Variants in RAB38 observed in about 807,000 individuals in gnomAD.
RAB38 encodes RAB38, member RAS oncogene family, also known as ras-related protein Rab-38.
A neutral mutation model predicts 18.4 loss-of-function variants in RAB38; 15 were observed. That is an observed-to-expected ratio of 0.82 (90% CI 0.55 to 1.26). RAB38 has a LOEUF of 1.26. RAB38 is among the 50% of genes most tolerant of loss of function. RAB38 has a pLI of 0.00. For synonymous variants in RAB38, 101 were observed against 104.4 expected, an observed-to-expected ratio of 0.97 and a Z score of 0.20; for missense variants, 294 against 267.4, an observed-to-expected ratio of 1.10 and a Z score of -0.69.
chr11:87,876,701 A>T, the RAB38 span, among the ~76,000 whole-genome samples: 1 of 151,436 alleles, frequency 6.6e-6, no homozygotes, highest in Non-Finnish European at 1.5e-5. Flanking sequence ...ATTTTTTCTT[A>T]GAAGTCACTC....
chr11:87,892,140 C>G, the RAB38 span, among the ~76,000 whole-genome samples: 1 of 151,812 alleles, frequency 6.6e-6, no homozygotes. Flanking sequence ...TGCAGTCTGA[C>G]AGCCCTATTA....
chr11:88,099,871 A>G, the RAB38 span: 1 of 151,802 alleles, frequency 6.6e-6, no homozygotes, highest in African/African-American at 2.4e-5. Context: ...TAATATAATA[A>G]TATTTTCACA....
the RAB38 span, among the ~76,000 whole-genome samples, chr11:87,891,883 T>A: frequency 1.7e-4 from 26 of 151,956 alleles, 1 homozygote; most frequent in East Asian, 2.9e-3. Flanking sequence ...ATTTAGTTTC[T>A]CTTTTGTTTT....
chr11:88,011,778 G>C, the RAB38 span, among the ~76,000 whole-genome samples: 1 of 152,104 alleles, frequency 6.6e-6, no homozygotes, highest in Non-Finnish European at 1.5e-5. Context: ...GAAAATTAAG[G>C]TTCAGTGGGG....
chr11:87,955,890 CACACACACACACACAA>C, the RAB38 span, among the ~76,000 whole-genome samples: 2 of 139,408 alleles, frequency 1.4e-5, no homozygotes. Flanking sequence ...CACACACACA[CACACACACACACACAA>C]GTAGGACAGA....
chr11:88,031,619 C>T, the RAB38 span, among the ~76,000 whole-genome samples: 6,042 of 151,348 alleles, frequency 0.04, 344 homozygotes, highest in East Asian at 0.3. Context: ...TGAGTGAACT[C>T]CTATTCACAA....
the RAB38 span, among the ~76,000 whole-genome samples, chr11:87,955,995 A>G: frequency 6.6e-6 from 1 of 152,130 alleles, no homozygotes; most frequent in Non-Finnish European, 1.5e-5. Flanking sequence ...GCTTCAGTAC[A>G]TTAGCAGACA....
the RAB38 span, among the ~76,000 whole-genome samples, chr11:87,820,472 A>G: frequency 6.6e-6 from 1 of 152,242 alleles, no homozygotes; most frequent in Non-Finnish European, 1.5e-5. Flanking sequence ...CAGATTTTCA[A>G]TCTATAATCT....
At chr11:88,068,470 T>C in the RAB38 span, among the ~76,000 whole-genome samples, 1 of 152,200 alleles carries the variant, frequency 6.6e-6, no homozygotes, top group Non-Finnish European at 1.5e-5. Context: ...AAGCTGAGAA[T>C]TGAAATTGAG....
At chr11:88,011,775 A>G in the RAB38 span, among the ~76,000 whole-genome samples, 2 of 152,140 alleles carry the variant, frequency 1.3e-5, no homozygotes, top group Non-Finnish European at 2.9e-5. Flanking sequence ...GTAGAAAATT[A>G]AGGTTCAGTG....
the RAB38 span, among the ~76,000 whole-genome samples, chr11:87,811,122 T>C: frequency 1.1e-4 from 17 of 152,194 alleles, no homozygotes; most frequent in Admixed American, 2.0e-4. Context: ...GCATGTGCAG[T>C]GCCCTCCTTA....
the RAB38 span, among the ~76,000 whole-genome samples, chr11:88,030,181 T>G: frequency 4.1e-4 from 62 of 152,154 alleles, no homozygotes; most frequent in African/African-American, 1.4e-3. Context: ...TTGAAACCAA[T>G]GAGAAAAAGA....
At chr11:88,104,828 T>G in the RAB38 span, among the ~76,000 whole-genome samples, 1 of 152,146 alleles carries the variant, frequency 6.6e-6, no homozygotes, top group Non-Finnish European at 1.5e-5. Context: ...TCCTTTGTCC[T>G]CTCAATATTT....
the RAB38 span, among the ~76,000 whole-genome samples, chr11:88,012,421 G>A: frequency 1.3e-5 from 2 of 152,110 alleles, no homozygotes; most frequent in Non-Finnish European, 2.9e-5. Flanking sequence ...GGAAGACGGT[G>A]GGAACCAAGC....
At chr11:88,158,668 A>G (rs932320208) in intron 1 of RAB38, among the ~76,000 whole-genome samples, 8 of 152,168 alleles carry the variant, frequency 5.3e-5, no homozygotes, top group African/African-American at 1.4e-4. Flanking sequence ...AACAAAAACC[A>G]TATGATCACC....
the RAB38 span, among the ~76,000 whole-genome samples, chr11:87,976,454 AATAT>A: frequency 7.4e-6 from 1 of 135,148 alleles, no homozygotes; most frequent in South Asian, 2.3e-4. Flanking sequence ...TATATTTATA[AATAT>A]ATATATTTTA....
At chr11:87,856,573 T>C in the RAB38 span, among the ~76,000 whole-genome samples, 1 of 152,214 alleles carries the variant, frequency 6.6e-6, no homozygotes, top group Admixed American at 6.5e-5. Context: ...TAGATAAATG[T>C]ATTATTAAAA....
At chr11:87,844,838 A>G in the RAB38 span, among the ~76,000 whole-genome samples, 45 of 152,328 alleles carry the variant, frequency 3.0e-4, 1 homozygote, top group African/African-American at 9.4e-4. Flanking sequence ...CCAACATTGT[A>G]CAGGCCTACA....
At chr11:88,154,075 C>T (rs990302209) in intron 1 of RAB38, among the ~76,000 whole-genome samples, 6 of 152,198 alleles carry the variant, frequency 3.9e-5, no homozygotes, top group African/African-American at 1.4e-4. Context: ...CCCTCTGTGA[C>T]TTGCCTTTCC....
Sources: gnomAD v4.1 joint callset for allele counts (sites outside exome capture counted in the v4.1 genomes callset) on GRCh38, gnomAD v4.1.1 for gene constraint, MANE v1.5 for transcripts, NCBI Gene and HGNC (gene_info 2026-07-23, HGNC 2026-07-21) for gene names.